Variants in CNBD1 observed in about 807,000 individuals in gnomAD.
The protein encoded by CNBD1 is cyclic nucleotide-binding domain-containing protein 1.
In CNBD1, 71 loss-of-function variants were observed where a neutral mutation model predicts 54.4. The observed-to-expected ratio is 1.30, with a 90% CI of 1.08 to 1.59. CNBD1 has a LOEUF of 1.59. Among genes scored for constraint, CNBD1 ranks in the 40% most tolerant of loss-of-function variants. The pLI is 0.00. For missense variants in CNBD1, 659 were observed against 518.0 expected (o/e 1.27, Z -2.64); for synonymous variants, 182 against 170.7 (o/e 1.07, Z -0.51).
At chr8:87,346,468 A>T (rs1194614495) in intron 8 of CNBD1, among the ~76,000 whole-genome samples, 1 of 151,878 alleles carries the variant, frequency 6.6e-6, no homozygotes, top group Non-Finnish European at 1.5e-5. Context: ...TTGTAATCCA[A>T]TTGGCCAATT....
At chr8:87,365,526 A>T (rs1810625675) in intron 10 of CNBD1, among the ~76,000 whole-genome samples, 1 of 152,044 alleles carries the variant, frequency 6.6e-6, no homozygotes, top group South Asian at 2.1e-4. Context: ...ACTTGAAACC[A>T]CTTGTTCCAC....
intron 4 of CNBD1, among the ~76,000 whole-genome samples, chr8:87,021,966 AATTT>A (rs140507314): frequency 0.03 from 4,576 of 152,278 alleles, 234 homozygotes; most frequent in African/African-American, 0.1. Flanking sequence ...TATGAAAAAT[AATTT>A]ATTTATATCA....
intron 1 of CNBD1, among the ~76,000 whole-genome samples, chr8:86,882,929 C>G (rs1683607491): frequency 2.0e-5 from 3 of 152,134 alleles, no homozygotes. Flanking sequence ...AACAGAACAC[C>G]AAATACCACG....
chr8:87,425,533 T>C (rs1808030385), intron 2 of CNBD1, among the ~76,000 whole-genome samples: 1 of 152,174 alleles, frequency 6.6e-6, no homozygotes, highest in Non-Finnish European at 1.5e-5. Flanking sequence ...GTTTTCCTTC[T>C]AACACACAGG....
chr8:87,175,110 A>G (rs182406612), intron 4 of CNBD1, among the ~76,000 whole-genome samples: 3 of 152,134 alleles, frequency 2.0e-5, no homozygotes, highest in Admixed American at 6.5e-5. Context: ...CTATGTCTCT[A>G]CAGTCTCAGG....
At chr8:87,185,866 CTGTCTCCTCAGTTA>C (rs1413521895) in intron 4 of CNBD1, among the ~76,000 whole-genome samples, 1 of 152,128 alleles carries the variant, frequency 6.6e-6, no homozygotes, top group Non-Finnish European at 1.5e-5. Context: ...GTTCCTTTGA[CTGTCTCCTCAGTTA>C]TGTCTCCTCA....
intron 3 of CNBD1, among the ~76,000 whole-genome samples, chr8:86,927,097 G>T (rs769157349): frequency 3.3e-5 from 5 of 152,116 alleles, no homozygotes; most frequent in African/African-American, 1.2e-4. Context: ...AGAACTGGTT[G>T]TATATGTTAA....
intron 10 of CNBD1, among the ~76,000 whole-genome samples, chr8:87,377,280 C>T (rs1319614312): frequency 2.0e-5 from 3 of 150,968 alleles, no homozygotes; most frequent in Non-Finnish European, 4.4e-5. Context: ...TTAGATATAT[C>T]TCCCAATGCT....
At chr8:86,979,433 A>T (rs1808421283) in intron 4 of CNBD1, among the ~76,000 whole-genome samples, 1 of 149,644 alleles carries the variant, frequency 6.7e-6, no homozygotes. Flanking sequence ...AAAAAAGGCA[A>T]AAACAATTTA....
chr8:87,104,144 A>G (rs963822372), intron 4 of CNBD1, among the ~76,000 whole-genome samples: 1 of 152,226 alleles, frequency 6.6e-6, no homozygotes, highest in East Asian at 1.9e-4. Context: ...GAGGTAATAA[A>G]CTATGTTGAA....
intron 8 of CNBD1, among the ~76,000 whole-genome samples, chr8:87,310,805 T>C (rs1809248672): frequency 6.6e-6 from 1 of 152,008 alleles, no homozygotes; most frequent in Non-Finnish European, 1.5e-5. Flanking sequence ...TGGAAAAGAA[T>C]AGAGAACCTA....
At chr8:87,371,941 C>G (rs1473840747) in intron 10 of CNBD1, among the ~76,000 whole-genome samples, 1 of 151,790 alleles carries the variant, frequency 6.6e-6, no homozygotes, top group African/African-American at 2.4e-5. Context: ...ACAGGGACGC[C>G]CTCTCTCACC....
chr8:87,391,503 G>T (rs929593481), intron 2 of CNBD1, among the ~76,000 whole-genome samples: 2 of 152,088 alleles, frequency 1.3e-5, no homozygotes, highest in Non-Finnish European at 2.9e-5. Context: ...GTAGACATGT[G>T]TAACAATGGA....
At chr8:86,927,654 G>T (rs1226258722) in intron 3 of CNBD1, among the ~76,000 whole-genome samples, 3 of 152,106 alleles carry the variant, frequency 2.0e-5, no homozygotes, top group African/African-American at 4.8e-5. Context: ...AGGAGCTACA[G>T]TATATAGTCC....
intron 8 of CNBD1, among the ~76,000 whole-genome samples, chr8:87,321,685 T>G (rs1809536812): frequency 6.6e-6 from 1 of 152,206 alleles, no homozygotes; most frequent in Non-Finnish European, 1.5e-5. Flanking sequence ...ACAAAAACTT[T>G]TTAATTTGAT....
chr8:87,378,829 T>A (rs1479001571), intron 10 of CNBD1, among the ~76,000 whole-genome samples: 1 of 150,402 alleles, frequency 6.6e-6, no homozygotes, highest in Non-Finnish European at 1.5e-5. Flanking sequence ...TTTTATTTCC[T>A]TGAGCAGTGG....
At chr8:87,362,845 T>C (rs1036385414) in intron 10 of CNBD1, among the ~76,000 whole-genome samples, 11 of 152,046 alleles carry the variant, frequency 7.2e-5, no homozygotes, top group Non-Finnish European at 1.3e-4. Context: ...GGATCAATCT[T>C]ATGGAGTTCA....
chr8:87,048,033 C>T (rs975505748), intron 4 of CNBD1, among the ~76,000 whole-genome samples: 69 of 152,126 alleles, frequency 4.5e-4, no homozygotes, highest in Non-Finnish European at 3.4e-4. Context: ...CTCTGCTTTC[C>T]AGGCTTTGAC....
intron 2 of CNBD1, among the ~76,000 whole-genome samples, chr8:87,409,972 G>A (rs771978627): frequency 1.1e-4 from 16 of 151,810 alleles, no homozygotes; most frequent in Admixed American, 2.6e-4. Context: ...GTAGTGAGCC[G>A]AGATAGTGCC....
Sources: gnomAD v4.1 joint callset for allele counts (sites outside exome capture counted in the v4.1 genomes callset) on GRCh38, gnomAD v4.1.1 for gene constraint, MANE v1.5 for transcripts, NCBI Gene and HGNC (gene_info 2026-07-23, HGNC 2026-07-21) for gene names.